The following SLC19A1 variants were observed in gnomAD, a reference collection of about 807,000 sequenced individuals.
The protein encoded by SLC19A1 is reduced folate transporter.
A neutral mutation model predicts 35.3 loss-of-function variants in SLC19A1; 37 were observed. The observed-to-expected ratio is 1.05, with a 90% CI of 0.81 to 1.38. The LOEUF is 1.38. SLC19A1 is among the 40% of genes most tolerant of loss of function. The pLI is 0.00. For missense variants in SLC19A1, 831 were observed against 826.9 expected (o/e 1.00, Z -0.06); for synonymous variants, 460 against 398.5 (o/e 1.15, Z -1.84).
Position 45,516,068 on chromosome 21 carries a change from G to A in SLC19A1, c.1366C>T (p.Arg456Trp), listed in dbSNP as rs773517804. Residue 456 changes from arginine (R) to tryptophan (W), a missense_variant, in exon 6 of 6, where the codon CGG becomes TGG. Coordinates refer to ENST00000311124, the MANE Select transcript of SLC19A1 (RefSeq NM_194255.4). ...GGGTGGTGGCCCCGCTGGCAGTGCC[G>A]CAGGCCATCCAGCATGGCCCCCAAG... The part of the protein sequence containing the change: ...YFLGAMLDGL[R>W]HCQRGHHPRQ... 62 of 1,593,484 alleles carry A rather than the reference G, an allele frequency of 3.9e-5. No homozygotes were observed. The highest frequency in any genetic ancestry group is 4.6e-5 in the Non-Finnish European group (54 of 1,172,052).
chr21:45,509,959 C>A, downstream of SLC19A1: 2 of 1,329,418 alleles, frequency 1.5e-6, no homozygotes, highest in Non-Finnish European at 2.0e-6. Context: ...CAGCGCCCCT[C>A]GGCCGTGCCT....
At chr21:45,511,293 C>CTA (rs1301205334), downstream of SLC19A1, 1 of 826,852 alleles carries the variant, frequency 1.2e-6, no homozygotes, top group East Asian at 2.6e-5. Flanking sequence ...GGGCGGGCTC[C>CTA]TATCTGCAGT....
chr21:45,525,937 CAG>C lies in SLC19A1; in HGVS notation c.1171_1172del (p.Leu391ValfsTer2). The C allele has an allele frequency of 6.2e-7, 1 of 1,613,500 alleles. No homozygotes were observed. The highest frequency in any genetic ancestry group is 8.5e-7 in the Non-Finnish European group (1 of 1,179,932). ...PIATFQIASS[L>X]SKELCALVFG... Reference sequence around the variant, plus strand: ...AGACCAGGGCACAGAGCTCTTTAGACAGAGAAGATGCAATCTGAAAGCTGAAC... The same window carrying C: ...AGACCAGGGCACAGAGCTCTTTAGACAGAAGATGCAATCTGAAAGCTGAAC... On this transcript the variant is annotated frameshift_variant, in exon 5 of 6. Transcript: ENST00000311124. LOFTEE classifies it high-confidence loss of function.
chr21:45,525,789 C>G, intron 5 of SLC19A1, 28 bp downstream of exon 5: 1 of 1,610,268 alleles, frequency 6.2e-7, no homozygotes, highest in Non-Finnish European at 8.5e-7. Context: ...CTTCCATCCC[C>G]GAGGACGCAG....
downstream of SLC19A1, among the ~76,000 whole-genome samples, chr21:45,508,017 ATGGAGAGGTGGGTGAG>A (rs1481137163): frequency 1.3e-5 from 2 of 150,162 alleles, no homozygotes; most frequent in East Asian, 2.0e-4. Flanking sequence ...GGATGGGTGG[ATGGAGAGGTGGGTGAG>A]TGGATACGTA....
chr21:45,551,176 C>T (rs2078462838), intron 1 of SLC19A1, among the ~76,000 whole-genome samples: 1 of 151,746 alleles, frequency 6.6e-6, no homozygotes, highest in Admixed American at 6.6e-5. Flanking sequence ...ATAGCTTGAA[C>T]CCGGGAGGTG....
downstream of SLC19A1, chr21:45,510,968 C>A: frequency 7.7e-5 from 1 of 12,970 alleles, no homozygotes; most frequent in South Asian, 6.3e-4. Context: ...CACATACACC[C>A]CCAAACACCC....
intron 5 of SLC19A1, 102 bp from the exon 6 acceptor site, chr21:45,516,242 G>T (rs1602694169): frequency 1.1e-6 from 1 of 913,126 alleles, no homozygotes; most frequent in East Asian, 2.5e-5. Context: ...CTCCAGCTCA[G>T]AGGCTGACCC....
chr21:45,536,707 C>T (rs1407505141), intron 2 of SLC19A1, among the ~76,000 whole-genome samples: 2 of 152,158 alleles, frequency 1.3e-5, no homozygotes, highest in Non-Finnish European at 2.9e-5. Flanking sequence ...TGGGGTCCGG[C>T]TTCCGGCCAG....
intron 3 of SLC19A1, chr21:45,504,135 A>T (rs2037037770): frequency 1.1e-5 from 16 of 1,499,604 alleles, no homozygotes; most frequent in Non-Finnish European, 1.4e-5. Flanking sequence ...TTCTCGCCCC[A>T]TCCGGCCCAA....
chr21:45,539,448 G>A (rs888131734), intron 1 of SLC19A1, among the ~76,000 whole-genome samples: 2 of 152,252 alleles, frequency 1.3e-5, no homozygotes, highest in African/African-American at 4.8e-5. Context: ...GTGGCAGGGG[G>A]TCTGCAGAGG....
intron 3 of SLC19A1, chr21:45,505,695 C>T (rs2037159171): frequency 1.4e-6 from 1 of 726,994 alleles, no homozygotes. Context: ...CCCCATGGTG[C>T]TCATGGGGGC....
At chr21:45,539,677 G>T (rs2078242721) in intron 1 of SLC19A1, among the ~76,000 whole-genome samples, 1 of 152,224 alleles carries the variant, frequency 6.6e-6, no homozygotes, top group Non-Finnish European at 1.5e-5. Flanking sequence ...TCAGGGACCA[G>T]AGAGAGAGAC....
Position 45,513,378 on chromosome 21 carries a change from G to A in SLC19A1, c.*2280C>T, listed in dbSNP as rs1007292248. On this transcript the variant is annotated 3_prime_UTR_variant, in exon 6 of 6. Coordinates refer to ENST00000311124, the MANE Select transcript of SLC19A1 (RefSeq NM_194255.4). ...CATGGACAGGCTGGCTCCAGATGCA[G>A]GGCAGTCATTGGCTGTCTCCTAGGA... 1.6e-4 allele frequency: 25 copies of A among 152,278 alleles called. No individual in the cohort carries two copies. The highest frequency in any genetic ancestry group is 1.6e-3 in the Admixed American group (25 of 15,288). 9.4% of individuals were successfully genotyped at this position (152,278 alleles called of 1,614,324 possible).
Position 45,513,790 on chromosome 21 carries a change from C to CTT in SLC19A1, c.*1866_*1867dup, listed in dbSNP as rs1452455579. On this transcript the variant is annotated 3_prime_UTR_variant, in exon 6 of 6. Coordinates refer to ENST00000311124, the MANE Select transcript of SLC19A1 (RefSeq NM_194255.4). ...TTCTCCAAAAGGAGTTCTCAGGAGTCTTTTATCCCTGGACTGCCCCACTGG... is the reference window on the plus strand; with the variant it reads ...TTCTCCAAAAGGAGTTCTCAGGAGTCTTTTTTATCCCTGGACTGCCCCACTGG... 6.6e-6 allele frequency: 1 copy of CTT among 152,256 alleles called. No homozygotes were observed. The highest frequency in any genetic ancestry group is 6.5e-5 in the Admixed American group (1 of 15,290). 9.4% of individuals were successfully genotyped at this position (152,256 alleles called of 1,614,324 possible).
At chr21:45,507,679 G>C, downstream of SLC19A1, 6 of 1,316,978 alleles carry the variant, frequency 4.6e-6, no homozygotes, top group Non-Finnish European at 5.4e-6. Context: ...AACAACACGT[G>C]GTCCTTTGGA....
At chr21:45,509,687 T>C, downstream of SLC19A1, 1 of 820,460 alleles carries the variant, frequency 1.2e-6, no homozygotes, top group Non-Finnish European at 2.0e-6. Flanking sequence ...GCAGAGCTGC[T>C]GGGGGTCCCA....
chr21:45,505,785 CT>C, intron 3 of SLC19A1: 1 of 1,341,198 alleles, frequency 7.5e-7, no homozygotes, highest in South Asian at 1.2e-5. Context: ...CCTTCCGCCC[CT>C]GCCCCCCGCC....
intron 1 of SLC19A1, among the ~76,000 whole-genome samples, chr21:45,555,080 C>T (rs960610785): frequency 1.3e-5 from 2 of 148,802 alleles, no homozygotes; most frequent in Non-Finnish European, 3.0e-5. Context: ...GGAGTGGCCA[C>T]CAGGGGGCGA....
Sources: allele counts gnomAD v4.1 joint callset (sites outside exome capture counted in the v4.1 genomes callset), GRCh38; gene constraint gnomAD v4.1.1; transcripts MANE v1.5; gene names NCBI Gene and HGNC (gene_info 2026-07-23, HGNC 2026-07-21).